The following FNDC3B variants were observed in gnomAD, a reference collection of about 807,000 sequenced individuals.
FNDC3B encodes fibronectin type III domain-containing protein 3B.
A neutral mutation model predicts 151.5 loss-of-function variants in FNDC3B; 12 were observed. That is an observed-to-expected ratio of 0.08 (90% CI 0.05 to 0.13). The LOEUF (loss-of-function observed/expected upper bound fraction) is 0.13. Among genes scored for constraint, FNDC3B ranks in the 10% least tolerant of loss-of-function variants. The probability of loss-of-function intolerance (pLI) is 1.00; values close to 1 mark genes in which losing one functional copy is unlikely to be tolerated. For synonymous variants in FNDC3B, 528 were observed against 549.0 expected, an observed-to-expected ratio of 0.96 and a Z score of 0.54; for missense variants, 1,214 against 1,505.3, an observed-to-expected ratio of 0.81 and a Z score of 3.20.
chr3:172,314,992 T>C (rs577316944), intron 11 of FNDC3B, among the ~76,000 whole-genome samples: 10 of 152,276 alleles, frequency 6.6e-5, no homozygotes, highest in Non-Finnish European at 1.3e-4. Flanking sequence ...CTGCCTGTTA[T>C]TTCTCCATTA....
At chr3:172,385,170 ATATT>A (rs1188906078) in intron 25 of FNDC3B, among the ~76,000 whole-genome samples, 1 of 152,194 alleles carries the variant, frequency 6.6e-6, no homozygotes, top group African/African-American at 2.4e-5. Context: ...GGAATGAAAC[ATATT>A]TATGTGTGCA....
chr3:172,249,493 C>T (rs1467818564), intron 5 of FNDC3B, among the ~76,000 whole-genome samples: 4 of 152,142 alleles, frequency 2.6e-5, no homozygotes, highest in Non-Finnish European at 5.9e-5. Flanking sequence ...AATCCCTTCC[C>T]TTTATAAATA....
intron 3 of FNDC3B, among the ~76,000 whole-genome samples, chr3:172,192,474 C>T (rs375932063): frequency 7.2e-5 from 11 of 151,948 alleles, no homozygotes; most frequent in East Asian, 3.9e-4. Flanking sequence ...TGTGAGCCAC[C>T]GCGCCTGGCT....
intron 3 of FNDC3B, among the ~76,000 whole-genome samples, chr3:172,209,385 A>G (rs76059884): frequency 6.6e-6 from 1 of 152,102 alleles, no homozygotes; most frequent in African/African-American, 2.4e-5. Flanking sequence ...TTCCACATCC[A>G]GGAAGAATGA....
rs369571577 is a variant in FNDC3B, at chr3:172,362,313, C to T, written c.2796-320C>T. Among the ~76,000 whole-genome samples the T allele has an allele frequency of 4.6e-5, 7 of 152,280 alleles. No individual in the cohort carries two copies. The South Asian group carries it at 8.3e-4, about 18-fold the overall frequency. Reference sequence around the variant, plus strand: ...CAAAACTGACCATGAGGTAGCTAAACGGTAGCTAGGACAAAATATAAAAGC... The same window carrying T: ...CAAAACTGACCATGAGGTAGCTAAATGGTAGCTAGGACAAAATATAAAAGC... On this transcript the variant is annotated intron_variant, in intron 22 of 25. Coordinates refer to ENST00000415807, the MANE Select transcript of FNDC3B (RefSeq NM_022763.4).
intron 2 of FNDC3B, among the ~76,000 whole-genome samples, chr3:172,122,029 A>G (rs1352626443): frequency 6.6e-6 from 1 of 152,248 alleles, no homozygotes; most frequent in Non-Finnish European, 1.5e-5. Context: ...TAGTCTATAA[A>G]CACAGGAAGA....
intron 4 of FNDC3B, among the ~76,000 whole-genome samples, chr3:172,242,125 A>G (rs1727526388): frequency 6.6e-6 from 1 of 152,218 alleles, no homozygotes; most frequent in African/African-American, 2.4e-5. Context: ...CATCTAGGTC[A>G]CACTGAGGCA....
rs1452190844 is a variant in FNDC3B, at chr3:172,400,311, C to T, written c.*2836C>T. ...TTTTTAAAGAGATTTTTTGCATATT[C>T]TCTGCCTTGTTCTTATCAACTTGAA... is the stretch of plus-strand genomic sequence containing the variant. On this transcript the variant is annotated 3_prime_UTR_variant, in exon 26 of 26. Coordinates refer to ENST00000415807, the MANE Select transcript of FNDC3B (RefSeq NM_022763.4). The T allele has an allele frequency of 6.6e-6, 1 of 152,580 alleles. No homozygotes were observed. Among genetic ancestry groups the T allele is most frequent in the Non-Finnish European group, 1.5e-5 (1 of 68,014 alleles). 9.5% of individuals were successfully genotyped at this position (152,580 alleles called of 1,614,324 possible). A position where few individuals can be genotyped will look rare whatever the true frequency, so the allele number is the denominator to read the frequency against.
intron 9 of FNDC3B, 132 bp downstream of exon 9, chr3:172,298,919 C>T (rs1261090764): frequency 1.8e-6 from 1 of 543,730 alleles, no homozygotes; most frequent in Non-Finnish European, 3.2e-6. Context: ...GCTTATGGGC[C>T]ATTCATTGAC....
chr3:172,109,372 T>G (rs1278155932), intron 1 of FNDC3B, among the ~76,000 whole-genome samples: 2 of 152,114 alleles, frequency 1.3e-5, no homozygotes, highest in Admixed American at 6.5e-5. Context: ...TTCACCGTTT[T>G]AGCCGGGATG....
At chr3:172,396,677 G>A (rs1001326199) in intron 25 of FNDC3B, among the ~76,000 whole-genome samples, 1 of 152,122 alleles carries the variant, frequency 6.6e-6, no homozygotes, top group Non-Finnish European at 1.5e-5. Flanking sequence ...TCCCACAGAA[G>A]CATGAAGCGT....
chr3:172,185,560 C>T (rs1467884038), intron 3 of FNDC3B, among the ~76,000 whole-genome samples: 1 of 152,152 alleles, frequency 6.6e-6, no homozygotes, highest in Non-Finnish European at 1.5e-5. Flanking sequence ...AGTTCTTTTG[C>T]AGAGGTCTAT....
At chr3:172,088,174 A>C (rs1718646513) in intron 1 of FNDC3B, among the ~76,000 whole-genome samples, 2 of 152,234 alleles carry the variant, frequency 1.3e-5, no homozygotes, top group African/African-American at 2.4e-5. Context: ...ATGTGGCTAA[A>C]CAAGGTACTT....
chr3:172,273,106 T>C (rs1433122650), intron 6 of FNDC3B, among the ~76,000 whole-genome samples: 2 of 152,262 alleles, frequency 1.3e-5, no homozygotes, highest in African/African-American at 2.4e-5. Context: ...TTTAAAATTC[T>C]AGTTGTACAA....
rs1388038389 is a variant in FNDC3B, at chr3:172,040,818, A to C, written c.-29+1047A>C. Among the ~76,000 whole-genome samples the C allele has an allele frequency of 6.6e-6, 1 of 151,886 alleles. No individual in the cohort carries two copies. Among genetic ancestry groups the C allele is most frequent in the African/African-American group, 2.4e-5 (1 of 41,346 alleles). On this transcript the variant is annotated intron_variant, in intron 1 of 25. Transcript: ENST00000415807. This position sits in a 1 kb window ranked among gnomAD's most constrained non-coding sequence, Gnocchi z 6.6. ...GGGCTGTGCCCGCGAACTTTCCCAG[A>C]GGTCCGGGTCCCGGCGTCCCGTGGG...
chr3:172,072,584 C>T (rs1717831793), intron 1 of FNDC3B, among the ~76,000 whole-genome samples: 1 of 152,126 alleles, frequency 6.6e-6, no homozygotes, highest in Non-Finnish European at 1.5e-5. Flanking sequence ...TCCTTTGTAG[C>T]CAAGCAAAAA....
At chr3:172,144,727 GT>G (rs1721811010) in intron 3 of FNDC3B, among the ~76,000 whole-genome samples, 1 of 151,464 alleles carries the variant, frequency 6.6e-6, no homozygotes, top group African/African-American at 2.4e-5. Flanking sequence ...TTTTAAGTGG[GT>G]ATTTTTTTCC....
chr3:172,237,891 T>A (rs1479920505), intron 4 of FNDC3B, among the ~76,000 whole-genome samples: 1 of 152,238 alleles, frequency 6.6e-6, no homozygotes, highest in Non-Finnish European at 1.5e-5. Context: ...TTTTTTGTTA[T>A]TATTTAAAGG....
At chr3:172,074,147 T>C (rs924161705) in intron 1 of FNDC3B, among the ~76,000 whole-genome samples, 5 of 152,350 alleles carry the variant, frequency 3.3e-5, no homozygotes, top group African/African-American at 4.8e-5. Flanking sequence ...AGGCACTTGA[T>C]TGAAAGGCTG....
Sources: gnomAD v4.1 joint callset for allele counts (sites outside exome capture counted in the v4.1 genomes callset) on GRCh38, gnomAD v4.1.1 for gene constraint, Gnocchi (gnomAD v3.1) non-coding constraint, MANE v1.5 for transcripts, NCBI Gene and HGNC (gene_info 2026-07-23, HGNC 2026-07-21) for gene names.